The following TBKBP1 variants were observed in gnomAD, a reference collection of about 807,000 sequenced individuals.
TBKBP1 encodes TANK-binding kinase 1-binding protein 1.
In TBKBP1, 47 loss-of-function variants were observed where a neutral mutation model predicts 69.9. The ratio of observed to expected loss-of-function variants is 0.67; its 90% CI spans 0.53 to 0.86. The LOEUF is 0.86. Ranked by LOEUF, TBKBP1 falls within the 40% of genes least tolerant of loss-of-function variation. TBKBP1 has a pLI of 0.00. For missense variants in TBKBP1, 831 were observed against 858.6 expected, an observed-to-expected ratio of 0.97 and a Z score of 0.40; for synonymous variants, 418 against 390.3, an observed-to-expected ratio of 1.07 and a Z score of -0.84.
At position 47,710,442 on chromosome 17, in the gene TBKBP1, G is replaced by A. The variant is rs2031883562; in HGVS notation, c.1720-56G>A. On this transcript the variant is annotated intron_variant, in intron 9 of 9. Transcript: ENST00000578982. ...GTCCTGGGACAGGGCAGGCTGGGAT[G>A]TGGGGACCATGGGTGGGGGCTGGGG... The A allele has an allele frequency of 1.9e-6, 3 of 1,576,708 alleles. 1 individual carries two copies. Among genetic ancestry groups the A allele is most frequent in the Non-Finnish European group, 2.6e-6 (3 of 1,153,522 alleles).
intron 7 of TBKBP1, among the ~76,000 whole-genome samples, chr17:47,703,612 G>C (rs553673001): frequency 5.9e-5 from 9 of 152,150 alleles, no homozygotes; most frequent in Admixed American, 5.9e-4. Flanking sequence ...TCATGCCAGC[G>C]CCCCCTCCCT....
Position 47,708,644 on chromosome 17 carries a change from C to T in TBKBP1, c.992-81C>T, listed in dbSNP as rs1228939093. The T allele has an allele frequency of 2.1e-6, 3 of 1,418,916 alleles. No homozygotes were observed. The highest frequency in any genetic ancestry group is 1.9e-6 in the Non-Finnish European group (2 of 1,056,522). The allele number at this position is 1,418,916 out of a possible 1,614,324, so 87.9% of individuals were successfully genotyped here. ...GGCCTGGAGTTGGTGGGCATGGGTC[C>T]GGGCAAGCCCCTGGCGCTCCAGTTC... On this transcript the variant is annotated intron_variant, in intron 8 of 9. Coordinates refer to ENST00000578982, the MANE Select transcript of TBKBP1 (RefSeq NM_001394755.1). The surrounding 1 kb of genome is among the most constrained non-coding windows in gnomAD (Gnocchi z 4.4).
chr17:47,697,071 C>T lies in TBKBP1; in HGVS notation c.349-18C>T. 5 of 1,600,374 alleles carry T rather than the reference C, an allele frequency of 3.1e-6. No individual in the cohort carries two copies. The highest frequency in any genetic ancestry group is 1.1e-5 in the South Asian group (1 of 88,888). On this transcript the variant is annotated intron_variant, in intron 3 of 9. Coordinates refer to ENST00000578982, the MANE Select transcript of TBKBP1 (RefSeq NM_001394755.1). Reference sequence around the variant, plus strand: ...TGTGGGACTGACCCTGTGGTGGGGCCCTCTGGGCCTCATCCAGTTACAGAA... The same window carrying T: ...TGTGGGACTGACCCTGTGGTGGGGCTCTCTGGGCCTCATCCAGTTACAGAA...
At chr17:47,694,221 G>A (rs2031108660) in intron 1 of TBKBP1, 27 bp downstream of exon 1, 1 of 151,626 alleles carries the variant, frequency 6.6e-6, no homozygotes, top group African/African-American at 2.4e-5. Flanking sequence ...GGCTAGGGCT[G>A]GGGGAGGGGA....
rs1213022686 is a variant in TBKBP1, at chr17:47,708,909, G to A, written c.1176G>A (p.Pro392=). ...GCTCTCCGGCCTCACCCTCCTGCCC[G>A]TCGCCCGTCCCGCAGCGCCGCTCGC... is the stretch of plus-strand genomic sequence containing the variant. ...QRRSPASPSC[P]SPVPQRRSPV... Residue 392 remains proline, a synonymous_variant, in exon 9 of 10, where the codon CCG becomes CCA. Transcript: ENST00000578982. This position sits in a 1 kb window ranked among gnomAD's most constrained non-coding sequence, Gnocchi z 4.4. The A allele has an allele frequency of 5.8e-6, 8 of 1,368,960 alleles. No individual in the cohort carries two copies. The Admixed American group carries it at 9.2e-5, about 16-fold the overall frequency. The allele number at this position is 1,368,960 out of a possible 1,614,324, so 84.8% of individuals were successfully genotyped here.
intron 9 of TBKBP1, 99 bp from the exon 10 acceptor site, chr17:47,710,399 C>T: frequency 6.6e-7 from 1 of 1,507,310 alleles, no homozygotes; most frequent in Non-Finnish European, 9.0e-7. Context: ...CTGCATGCCA[C>T]AGCCCTCCCT....
chr17:47,698,998 T>C (rs572195939), intron 5 of TBKBP1, among the ~76,000 whole-genome samples: 1 of 152,074 alleles, frequency 6.6e-6, no homozygotes, highest in Admixed American at 6.5e-5. Flanking sequence ...TTCCTGTGCC[T>C]GCCAGCAGAG....
chr17:47,708,530 A>G lies in TBKBP1; in HGVS notation c.991+18A>G, dbSNP rs770872147. The G allele has an allele frequency of 1.2e-6, 2 of 1,611,470 alleles. No homozygotes were observed. The highest frequency in any genetic ancestry group is 3.3e-5 in the Admixed American group (2 of 59,916). On this transcript the variant is annotated intron_variant, in intron 8 of 9. Transcript: ENST00000578982. This position sits in a 1 kb window ranked among gnomAD's most constrained non-coding sequence, Gnocchi z 4.4. ...GAGTGGCGGTGAGATGGGGCAGGGCAGGGGGAGGCAGCCGCGGGACCCGGG... is the reference window on the plus strand; with the variant it reads ...GAGTGGCGGTGAGATGGGGCAGGGCGGGGGGAGGCAGCCGCGGGACCCGGG...
Position 47,696,338 on chromosome 17 carries a change from G to A in TBKBP1, c.225+1G>A, listed in dbSNP as rs1327938522. ...CCGCCTCAAAGTCTACGAGATCAAGGTCAGAACTTGGAGAGGAGGGCGCCT... is the reference window on the plus strand; with the variant it reads ...CCGCCTCAAAGTCTACGAGATCAAGATCAGAACTTGGAGAGGAGGGCGCCT... On this transcript the variant is annotated splice_donor_variant, in intron 2 of 9. Coordinates refer to ENST00000578982, the MANE Select transcript of TBKBP1 (RefSeq NM_001394755.1). LOFTEE classifies it high-confidence loss of function. 6.2e-7 allele frequency: 1 copy of A among 1,612,224 alleles called. No individual in the cohort carries two copies. The highest frequency in any genetic ancestry group is 1.3e-5 in the African/African-American group (1 of 74,908).
intron 7 of TBKBP1, among the ~76,000 whole-genome samples, chr17:47,700,048 C>T (rs1289953566): frequency 2.7e-5 from 4 of 149,068 alleles, no homozygotes; most frequent in Admixed American, 6.7e-5. Flanking sequence ...AGTGCAGTGG[C>T]GCAATCTCGG....
At position 47,699,338 on chromosome 17, in the gene TBKBP1, C is replaced by T. The variant is rs370529133; in HGVS notation, c.653C>T (p.Thr218Ile). The T allele has an allele frequency of 4.8e-5, 74 of 1,538,374 alleles. No individual in the cohort carries two copies. Among genetic ancestry groups the T allele is most frequent in the Non-Finnish European group, 6.1e-5 (70 of 1,148,188 alleles). Residue 218 changes from threonine (T) to isoleucine (I), a missense_variant, in exon 6 of 10, where the codon ACA becomes ATA. Coordinates refer to ENST00000578982, the MANE Select transcript of TBKBP1 (RefSeq NM_001394755.1). ...GLSHAGWPGS[T>I]PSVSDLERRR... ...CCGACAGCAGGCTGGCCGGGCTCCACACCCAGTGTGAGTGACCTGGAGCGG... is the reference window on the plus strand; with the variant it reads ...CCGACAGCAGGCTGGCCGGGCTCCATACCCAGTGTGAGTGACCTGGAGCGG...
At chr17:47,707,954 C>A (rs1256726962) in intron 7 of TBKBP1, among the ~76,000 whole-genome samples, 1 of 152,238 alleles carries the variant, frequency 6.6e-6, no homozygotes, top group Non-Finnish European at 1.5e-5. Flanking sequence ...TGAGAAAATT[C>A]ACAGTGACAG....
chr17:47,696,785 G>A lies in TBKBP1; in HGVS notation c.300G>A (p.Glu100=), dbSNP rs78884849. 3.2e-3 allele frequency: 5,168 copies of A among 1,613,982 alleles called. 229 individuals carry two copies. The East Asian group carries it at 0.096, about 30-fold the overall frequency. ...AAATCAAGGATGGCTCCCTGCTGGAGGTGGAGAAGGTCAGCCTGCAGCAAC... is the reference window on the plus strand; with the variant it reads ...AAATCAAGGATGGCTCCCTGCTGGAAGTGGAGAAGGTCAGCCTGCAGCAAC... ...LYEIKDGSLL[E]VEKVSLQQRL... The change falls in exon 3 of 10, where the codon GAG becomes GAA. Residue 100 remains glutamate, a synonymous_variant. Transcript: ENST00000578982.
At chr17:47,699,738 G>T (rs774318613) in intron 7 of TBKBP1, 41 bp downstream of exon 7, 1 of 1,612,500 alleles carries the variant, frequency 6.2e-7, no homozygotes, top group African/African-American at 1.3e-5. Context: ...GTGATGTTTG[G>T]GAGACCTCCC....
At position 47,696,759 on chromosome 17, in the gene TBKBP1, G is replaced by C. The variant is rs1416427820; in HGVS notation, c.274G>C (p.Glu92Gln). Residue 92 changes from glutamate (E) to glutamine (Q), a missense_variant, in exon 3 of 10, where the codon GAA becomes CAA. Glu to Gln is a conservative substitution (Grantham distance 29). Coordinates refer to ENST00000578982, the MANE Select transcript of TBKBP1 (RefSeq NM_001394755.1). Reference protein sequence around the residue: ...FGEEHGFSLYEIKDGSLLEVE... With the variant: ...FGEEHGFSLYQIKDGSLLEVE... ...AGAGGAGCATGGCTTTTCTCTGTAT[G>C]AAATCAAGGATGGCTCCCTGCTGGA... The C allele has an allele frequency of 1.9e-6, 3 of 1,613,906 alleles. No individual in the cohort carries two copies. The African/African-American group carries it at 4.0e-5, about 22-fold the overall frequency.
intron 4 of TBKBP1, among the ~76,000 whole-genome samples, chr17:47,697,976 T>C (rs114188000): frequency 0.023 from 2,842 of 121,424 alleles, 94 homozygotes; most frequent in East Asian, 0.15. Flanking sequence ...AAAAAAAAAA[T>C]CAGGAGACAT....
At position 47,698,698 on chromosome 17, in the gene TBKBP1, C is replaced by T. The variant is rs965899184; in HGVS notation, c.557C>T (p.Pro186Leu). 1.0e-5 allele frequency: 16 copies of T among 1,605,994 alleles called. No individual in the cohort carries two copies. Among genetic ancestry groups the T allele is most frequent in the East Asian group, 4.5e-5 (2 of 44,524 alleles). The change falls in exon 5 of 10, where the codon CCG becomes CTG. Residue 186 changes from proline to leucine, a missense_variant. By Grantham distance (98) the Pro-to-Leu change is moderately conservative. Coordinates refer to ENST00000578982, the MANE Select transcript of TBKBP1 (RefSeq NM_001394755.1). ...QDAAFSNLSP[P>L]PAPAPPCTDL... ...GCAGCCTTCTCCAACCTGAGCCCACCGCCAGCCCCCGCCCCTCCCTGCACT... is the reference window on the plus strand; with the variant it reads ...GCAGCCTTCTCCAACCTGAGCCCACTGCCAGCCCCCGCCCCTCCCTGCACT...
intron 4 of TBKBP1, among the ~76,000 whole-genome samples, chr17:47,698,377 T>G (rs1384173254): frequency 6.6e-6 from 1 of 152,188 alleles, no homozygotes; most frequent in Non-Finnish European, 1.5e-5. Flanking sequence ...CCCTGTGTGT[T>G]AATGACAGAG....
intron 9 of TBKBP1, among the ~76,000 whole-genome samples, chr17:47,709,727 A>G (rs1294255061): frequency 6.6e-6 from 1 of 152,190 alleles, no homozygotes; most frequent in Non-Finnish European, 1.5e-5. Flanking sequence ...CTTTGATTCC[A>G]AACTCCACCG....
Sources: gnomAD v4.1 joint callset for allele counts (sites outside exome capture counted in the v4.1 genomes callset) on GRCh38, gnomAD v4.1.1 for gene constraint, Gnocchi (gnomAD v3.1) non-coding constraint, MANE v1.5 for transcripts, NCBI Gene and HGNC (gene_info 2026-07-23, HGNC 2026-07-21) for gene names.